The following RABL6 variants were observed in gnomAD, a reference collection of about 807,000 sequenced individuals.
The protein encoded by RABL6 is rab-like protein 6.
In RABL6, 28 loss-of-function variants were observed where a neutral mutation model predicts 72.9. The ratio of observed to expected loss-of-function variants is 0.38; its 90% CI spans 0.28 to 0.53. The LOEUF (loss-of-function observed/expected upper bound fraction) is 0.53. Among genes scored for constraint, RABL6 ranks in the 20% least tolerant of loss-of-function variants. RABL6 has a pLI of 0.80. For missense variants in RABL6, 1,029 were observed against 1,008.4 expected (o/e 1.02, Z -0.28); for synonymous variants, 477 against 421.2 (o/e 1.13, Z -1.62).
At chr9:136,809,099 T>C (rs1847944531) in intron 1 of RABL6, 1 of 152,320 alleles carries the variant, frequency 6.6e-6, no homozygotes, top group Non-Finnish European at 1.5e-5. Context: ...TTGACATTGC[T>C]TCCCTCTTAG....
rs546041805 is a variant in RABL6, at chr9:136,812,347, G to A, written c.130+4021G>A. ...GGCTGAGGTGGGCGGATTACATGAG[G>A]TCAGGAGTTCAAGACCAACCTGGCC... On this transcript the variant is annotated intron_variant, in intron 1 of 14. Transcript: ENST00000311502. Among the ~76,000 whole-genome samples, 6 of 152,204 alleles carry A rather than the reference G, an allele frequency of 3.9e-5. No homozygotes were observed. The East Asian group carries it at 1.2e-3, about 29-fold the overall frequency.
At chr9:136,818,383 A>AC (rs1848166503) in intron 1 of RABL6, among the ~76,000 whole-genome samples, 19 of 127,332 alleles carry the variant, frequency 1.5e-4, no homozygotes, top group Admixed American at 4.6e-4. Flanking sequence ...AAAAAAAAAA[A>AC]AAAAAAAAAA....
chr9:136,839,769 C>G lies in RABL6; in HGVS notation c.1834C>G (p.Pro612Ala), dbSNP rs371984790. 3.1e-6 allele frequency: 5 copies of G among 1,612,584 alleles called. No homozygotes were observed. The highest frequency in any genetic ancestry group is 3.3e-5 in the Admixed American group (2 of 59,988). Residue 612 changes from proline (P) to alanine (A), a missense_variant, in exon 13 of 15, where the codon CCC becomes GCC. This residue lies in a region of RABL6 where 595 missense variants were observed against 472.4 expected (regional missense o/e 1.26). Coordinates refer to ENST00000311502, the MANE Select transcript of RABL6 (RefSeq NM_024718.5). ...DEGPAEPPPP[P>A]KLPLPAFRLK... ...GGGCCCTGCCGAGCCGCCCCCACCC[C>G]CCAAGCTCCCTCTCCCCGCCTTCAG...
chr9:136,837,928 G>C lies in RABL6; in HGVS notation c.1193G>C (p.Arg398Pro). The change falls in exon 10 of 15, where the codon CGC becomes CCC. Residue 398 changes from arginine (R) to proline (P), a missense_variant. Arg to Pro is a moderately radical substitution (Grantham distance 103). Coordinates refer to ENST00000311502, the MANE Select transcript of RABL6 (RefSeq NM_024718.5). ...GTGGAGGACTTTGTTCCTGACGACCGCCTGGACCGCAGCTTCCTGGAAGAC... is the reference window on the plus strand; with the variant it reads ...GTGGAGGACTTTGTTCCTGACGACCCCCTGGACCGCAGCTTCCTGGAAGAC... ...QSVEDFVPDDRLDRSFLEDTT... is the reference protein window; with the variant it reads ...QSVEDFVPDDPLDRSFLEDTT... 6.4e-7 allele frequency: 1 copy of C among 1,556,852 alleles called. No homozygotes were observed. Among genetic ancestry groups the C allele is most frequent in the East Asian group, 2.4e-5 (1 of 41,424 alleles).
At chr9:136,829,242 A>C in intron 4 of RABL6, 151 bp from the exon 5 acceptor site, 1 of 661,452 alleles carries the variant, frequency 1.5e-6, no homozygotes, top group Non-Finnish European at 2.7e-6. Context: ...ACCTATGTTT[A>C]GCTATCCCAT....
Position 136,841,145 on chromosome 9 carries a change from CAAACACTCCACTCAGACCATA to C in RABL6, c.*626_*646del. 1 of 936,438 alleles carries C rather than the reference CAAACACTCCACTCAGACCATA, an allele frequency of 1.1e-6. No individual in the cohort carries two copies. The highest frequency in any genetic ancestry group is 1.5e-6 in the Non-Finnish European group (1 of 672,532). 58.0% of individuals were successfully genotyped at this position (936,438 alleles called of 1,614,324 possible). On this transcript the variant is annotated 3_prime_UTR_variant, in exon 15 of 15. Coordinates refer to ENST00000311502, the MANE Select transcript of RABL6 (RefSeq NM_024718.5). ...GGCAGGAGCCGGGAGGCACTCCTCCCAAACACTCCACTCAGACCATAAAGCACTCCTGTTTCACTCTGCGTG... is the reference window on the plus strand; with the variant it reads ...GGCAGGAGCCGGGAGGCACTCCTCCCAAGCACTCCTGTTTCACTCTGCGTG...
chr9:136,831,310 T>C (rs1848468608), intron 5 of RABL6, among the ~76,000 whole-genome samples: 2 of 152,174 alleles, frequency 1.3e-5, no homozygotes, highest in African/African-American at 4.8e-5. Context: ...TGTCCTCGGC[T>C]GCCCCGGTGG....
At chr9:136,832,216 A>C (rs764264075) in intron 6 of RABL6, 49 bp from the exon 7 acceptor site, 1 of 1,538,232 alleles carries the variant, frequency 6.5e-7, no homozygotes, top group Non-Finnish European at 9.0e-7. Flanking sequence ...GATCCTTGGC[A>C]CCAGGGCAAG....
At chr9:136,817,421 G>C (rs1185099988) in intron 1 of RABL6, among the ~76,000 whole-genome samples, 1 of 152,182 alleles carries the variant, frequency 6.6e-6, no homozygotes, top group Non-Finnish European at 1.5e-5. Flanking sequence ...GATGCAACCA[G>C]AACAAAAAGA....
At chr9:136,808,528 C>T (rs1054204214) in intron 1 of RABL6, 18 of 384,352 alleles carry the variant, frequency 4.7e-5, no homozygotes, top group Non-Finnish European at 7.0e-5. Context: ...TCGCGGCCCC[C>T]GAGCCGCGGG....
At chr9:136,810,689 C>G (rs545348843) in intron 1 of RABL6, among the ~76,000 whole-genome samples, 4 of 152,058 alleles carry the variant, frequency 2.6e-5, no homozygotes, top group African/African-American at 7.2e-5. Flanking sequence ...CTATAGGCAC[C>G]GGCCACCACG....
intron 11 of RABL6, 21 bp from the exon 12 acceptor site, chr9:136,839,201 A>G (rs762346423): frequency 1.3e-5 from 20 of 1,594,602 alleles, no homozygotes; most frequent in South Asian, 1.1e-5. Flanking sequence ...ACCCTGACTG[A>G]CCCTCTGCTT....
intron 1 of RABL6, among the ~76,000 whole-genome samples, chr9:136,819,688 A>G (rs1848199324): frequency 6.6e-6 from 1 of 152,190 alleles, no homozygotes; most frequent in Non-Finnish European, 1.5e-5. Context: ...TCAAAATGAA[A>G]GAGAGCGGGT....
chr9:136,808,364 G>C, intron 1 of RABL6, 38 bp downstream of exon 1: 1 of 1,454,386 alleles, frequency 6.9e-7, no homozygotes, highest in Non-Finnish European at 9.1e-7. Context: ...GGAGCGCCGC[G>C]CGGGTCTCCG....
At chr9:136,829,618 T>C (rs1417365720) in intron 5 of RABL6, 134 bp downstream of exon 5, 2 of 821,396 alleles carry the variant, frequency 2.4e-6, no homozygotes, top group Non-Finnish European at 3.9e-6. Context: ...TGGGCAGCTG[T>C]GGCAGCTCAG....
rs541748321 is a variant in RABL6 at position 136,819,767 on chromosome 9, A to C, written c.131-3758A>C. Among the ~76,000 whole-genome samples the C allele has an allele frequency of 2.0e-5, 3 of 152,332 alleles. No individual in the cohort carries two copies. In the East Asian group the frequency reaches 5.8e-4, roughly 29 times the overall value. On this transcript the variant is annotated intron_variant, in intron 1 of 14. Coordinates refer to ENST00000311502, the MANE Select transcript of RABL6 (RefSeq NM_024718.5). ...CCTGAAGGCTCAAGGAACATTGATT[A>C]AAGTGGACCATCCTCACTGGTGCCG...
intron 1 of RABL6, among the ~76,000 whole-genome samples, chr9:136,811,504 G>A (rs1349362855): frequency 6.6e-6 from 1 of 151,900 alleles, no homozygotes; most frequent in East Asian, 1.9e-4. Flanking sequence ...TGTAATCCCA[G>A]CTACTCAGGA....
chr9:136,819,469 C>T (rs1386393434), intron 1 of RABL6, among the ~76,000 whole-genome samples: 1 of 152,056 alleles, frequency 6.6e-6, no homozygotes, highest in South Asian at 2.1e-4. Context: ...CAGAACTCAC[C>T]AGCTCGAAAG....
chr9:136,839,159 C>T, intron 11 of RABL6, 38 bp downstream of exon 11: 2 of 1,605,890 alleles, frequency 1.2e-6, no homozygotes, highest in Non-Finnish European at 1.7e-6. Flanking sequence ...GCCTGGAGAC[C>T]CGGGTGGGGC....
Sources: allele counts gnomAD v4.1 joint callset (sites outside exome capture counted in the v4.1 genomes callset), GRCh38; gene constraint gnomAD v4.1.1; regional missense constraint gnomAD v4.1.1; transcripts MANE v1.5; gene names NCBI Gene and HGNC (gene_info 2026-07-23, HGNC 2026-07-21).